The following PIP5K1B variants were observed in gnomAD, a reference collection of about 807,000 sequenced individuals.
PIP5K1B encodes phosphatidylinositol 4-phosphate 5-kinase type-1 beta.
A neutral mutation model predicts 67.0 loss-of-function variants in PIP5K1B; 42 were observed. The observed-to-expected ratio is 0.63, with a 90% CI of 0.49 to 0.81. PIP5K1B has a LOEUF of 0.81. Ranked by LOEUF, PIP5K1B falls within the 30% of genes least tolerant of loss-of-function variation. The pLI, the probability that PIP5K1B is intolerant of heterozygous loss-of-function variation, is 0.00. For synonymous variants in PIP5K1B, 214 were observed against 231.4 expected, an observed-to-expected ratio of 0.92 and a Z score of 0.68; for missense variants, 459 against 646.3, an observed-to-expected ratio of 0.71 and a Z score of 3.14.
chr9:68,803,672 G>A (rs1235079028), intron 2 of PIP5K1B, among the ~76,000 whole-genome samples: 3 of 152,228 alleles, frequency 2.0e-5, no homozygotes, highest in Non-Finnish European at 4.4e-5. Flanking sequence ...AATGTCTGTC[G>A]ATACCTCACT....
At chr9:68,934,363 G>A (rs1827149403) in intron 12 of PIP5K1B, among the ~76,000 whole-genome samples, 1 of 152,186 alleles carries the variant, frequency 6.6e-6, no homozygotes, top group African/African-American at 2.4e-5. Context: ...TCAGTGGAAA[G>A]TCACAGAAAG....
chr9:68,989,093 T>TAAAA, intron 14 of PIP5K1B, among the ~76,000 whole-genome samples: 1 of 6,080 alleles, frequency 1.6e-4, no homozygotes, highest in Admixed American at 2.8e-3. Flanking sequence ...AGACTCCGTC[T>TAAAA]CAAAAAAAAA....
At chr9:68,962,957 C>G (rs1319512407) in intron 14 of PIP5K1B, among the ~76,000 whole-genome samples, 1 of 152,188 alleles carries the variant, frequency 6.6e-6, no homozygotes, top group African/African-American at 2.4e-5. Flanking sequence ...TCTCCAGTCT[C>G]TAAAACCTTA....
chr9:68,886,977 T>C (rs1391145216), intron 6 of PIP5K1B, among the ~76,000 whole-genome samples: 1 of 152,178 alleles, frequency 6.6e-6, no homozygotes, highest in Non-Finnish European at 1.5e-5. Context: ...CCACCACATC[T>C]CAGGCCTTTG....
intron 2 of PIP5K1B, among the ~76,000 whole-genome samples, chr9:68,764,537 A>G (rs189190129): frequency 3.8e-4 from 58 of 152,238 alleles, no homozygotes; most frequent in African/African-American, 1.3e-3. Context: ...TTACTACTGT[A>G]GGCCTTTAGA....
chr9:68,822,710 A>T (rs1833790562), intron 4 of PIP5K1B, 27 bp downstream of exon 4: 2 of 1,515,080 alleles, frequency 1.3e-6, no homozygotes, highest in Non-Finnish European at 1.8e-6. Flanking sequence ...TTTTCTAAAG[A>T]GGAACACCGT....
chr9:68,991,066 C>G, intron 14 of PIP5K1B, 74 bp from the exon 15 acceptor site: 1 of 856,230 alleles, frequency 1.2e-6, no homozygotes, highest in Non-Finnish European at 2.0e-6. Flanking sequence ...ACCTCACCCT[C>G]TTTAGGACTT....
chr9:68,864,092 C>G, intron 5 of PIP5K1B, 125 bp downstream of exon 5: 1 of 837,026 alleles, frequency 1.2e-6, no homozygotes, highest in South Asian at 2.0e-5. Context: ...GGGCCTTTGG[C>G]AGGGCCAAAG....
At chr9:68,832,071 C>T (rs1834355680) in intron 4 of PIP5K1B, among the ~76,000 whole-genome samples, 1 of 152,248 alleles carries the variant, frequency 6.6e-6, no homozygotes, top group Non-Finnish European at 1.5e-5. Flanking sequence ...AGAATCTGAA[C>T]TGTAGCCTCA....
At chr9:68,963,418 A>G (rs1232213975) in intron 14 of PIP5K1B, 1 of 280,742 alleles carries the variant, frequency 3.6e-6, no homozygotes, top group South Asian at 3.3e-5. Context: ...CAGGAGAATC[A>G]CTTGAACCCA....
rs149792678 is a variant in PIP5K1B at position 68,917,823 on chromosome 9, T to C, written c.983+64T>C. 6.7e-6 allele frequency: 8 copies of C among 1,198,956 alleles called. No homozygotes were observed. The East Asian group carries it at 1.6e-4, about 24-fold the overall frequency. The allele number at this position is 1,198,956 out of a possible 1,614,324, so 74.3% of individuals were successfully genotyped here. On this transcript the variant is annotated intron_variant, in intron 9 of 15. Transcript: ENST00000265382. ...GGCAGCCCACGTCACTGGGTAATTA[T>C]AGACAGTCACATTCACCTTAGGGTG... is the stretch of plus-strand genomic sequence containing the variant.
At chr9:68,727,205 T>C (rs1302107060) in intron 1 of PIP5K1B, among the ~76,000 whole-genome samples, 2 of 152,130 alleles carry the variant, frequency 1.3e-5, no homozygotes, top group Non-Finnish European at 2.9e-5. Flanking sequence ...ACCTAGAGAT[T>C]CAAGCATGGT....
chr9:68,918,425 A>C (rs1009080946), intron 9 of PIP5K1B, among the ~76,000 whole-genome samples: 4 of 152,152 alleles, frequency 2.6e-5, no homozygotes, highest in Middle Eastern at 3.2e-3. Flanking sequence ...CACAATAAGA[A>C]TGATGTTCGC....
rs1051369425 is a variant in PIP5K1B, at chr9:68,940,504, A to C, written c.1358-142A>C. On this transcript the variant is annotated intron_variant, in intron 13 of 15. Transcript: ENST00000265382. ...TTTTACATTTCTGCTGTAATTCAGA[A>C]AAAAAAAGTGCAGTTAATTCATAAT... is the stretch of plus-strand genomic sequence containing the variant. The C allele has an allele frequency of 4.1e-6, 3 of 723,686 alleles. No individual in the cohort carries two copies. In the African/African-American group the frequency reaches 5.3e-5, roughly 13 times the overall value. The allele number at this position is 723,686 out of a possible 1,614,324, so 44.8% of individuals were successfully genotyped here. A position where few individuals can be genotyped will look rare whatever the true frequency, so the allele number is the denominator to read the frequency against.
chr9:68,742,867 C>T (rs2132321798), intron 2 of PIP5K1B, among the ~76,000 whole-genome samples: 1 of 152,222 alleles, frequency 6.6e-6, no homozygotes. Flanking sequence ...CATCTGACTG[C>T]AAGATTCAAA....
chr9:68,797,812 C>CGTTTTGTTTTGTTTT (rs61645708), intron 2 of PIP5K1B, among the ~76,000 whole-genome samples: 159 of 151,292 alleles, frequency 1.1e-3, no homozygotes, highest in African/African-American at 3.6e-3. Context: ...TCACTGTGCC[C>CGTTTTGTTTTGTTTT]GTTTTGTTTT....
chr9:68,863,497 T>C (rs1823208666), intron 4 of PIP5K1B, among the ~76,000 whole-genome samples: 1 of 152,166 alleles, frequency 6.6e-6, no homozygotes, highest in Non-Finnish European at 1.5e-5. Flanking sequence ...TTGGATGATA[T>C]TAGAAAAGTA....
At chr9:68,727,197 C>G (rs1312071753) in intron 1 of PIP5K1B, among the ~76,000 whole-genome samples, 1 of 152,026 alleles carries the variant, frequency 6.6e-6, no homozygotes, top group African/African-American at 2.4e-5. Context: ...GGGTCAAGAC[C>G]TAGAGATTCA....
intron 2 of PIP5K1B, among the ~76,000 whole-genome samples, chr9:68,816,567 A>G (rs1833456998): frequency 6.6e-6 from 1 of 152,274 alleles, no homozygotes; most frequent in South Asian, 2.1e-4. Context: ...TTTAAGCAAT[A>G]TGGCATTAGC....
Sources: gnomAD v4.1 joint callset for allele counts (sites outside exome capture counted in the v4.1 genomes callset) on GRCh38, gnomAD v4.1.1 for gene constraint, MANE v1.5 for transcripts, NCBI Gene and HGNC (gene_info 2026-07-23, HGNC 2026-07-21) for gene names.